ABCC12: variants seen among roughly 807,000 people sequenced by gnomAD.
ABCC12 encodes the protein ATP binding cassette subfamily C member 12, also known as ATP-binding cassette sub-family C member 12.
Under a neutral mutation model 151.1 loss-of-function variants are expected in ABCC12, and 142 were observed. The observed-to-expected ratio is 0.94, with a 90% CI of 0.82 to 1.08. ABCC12 has a LOEUF of 1.08. Among genes scored for constraint, ABCC12 ranks in the 50% least tolerant of loss-of-function variants. The probability of loss-of-function intolerance (pLI) is 0.00; values close to 1 mark genes in which losing one functional copy is unlikely to be tolerated. For synonymous variants in ABCC12, 645 were observed against 646.4 expected, an observed-to-expected ratio of 1.00 and a Z score of 0.03; for missense variants, 1,638 against 1,691.1, an observed-to-expected ratio of 0.97 and a Z score of 0.55.
intron 1 of ABCC12, among the ~76,000 whole-genome samples, chr16:48,155,572 T>C (rs1016190435): frequency 2.0e-5 from 3 of 152,168 alleles, no homozygotes; most frequent in African/African-American, 7.2e-5. Flanking sequence ...ATTTCAGAGA[T>C]TTTGAAATCG....
At chr16:48,134,959 G>A (rs1420177400) in intron 8 of ABCC12, among the ~76,000 whole-genome samples, 1 of 151,802 alleles carries the variant, frequency 6.6e-6, no homozygotes, top group African/African-American at 2.4e-5. Flanking sequence ...GGCTGAGGCA[G>A]GAGAATGGCA....
chr16:48,141,565 G>A (rs1417182805), intron 4 of ABCC12, among the ~76,000 whole-genome samples: 11 of 152,212 alleles, frequency 7.2e-5, no homozygotes, highest in Non-Finnish European at 1.6e-4. Flanking sequence ...TGGTATGCCT[G>A]TGACATCTGG....
rs41280921 is a variant in ABCC12, at chr16:48,100,931, G to A, written c.2979C>T (p.Ser993=). The A allele has an allele frequency of 3.9e-3, 6,336 of 1,614,250 alleles. 18 individuals carry two copies. Among genetic ancestry groups the A allele is most frequent in the Non-Finnish European group, 5.0e-3 (5,920 of 1,180,044 alleles). Residue 993 remains serine, a synonymous_variant, in exon 23 of 31, where the codon TCC becomes TCT. Transcript: ENST00000311303. ...GAATGATGCCCAGGCCCTGCATGGA[G>A]GAGGTGATGTGGGTGAACCAGGGTG... The part of the protein sequence containing the change: ...SRSPWFTHIT[S]SMQGLGIIHA...
intron 2 of ABCC12, among the ~76,000 whole-genome samples, chr16:48,152,290 G>A (rs867582068): frequency 6.6e-6 from 1 of 152,210 alleles, no homozygotes; most frequent in South Asian, 2.1e-4. Context: ...TCTCATTCTT[G>A]CATAGGTCCT....
In ABCC12 at chr16:48,096,740, C is replaced by T. The variant is rs778926587; in HGVS notation, c.3195+6G>A. On this transcript the variant is annotated splice_donor_region_variant and intron_variant, in intron 24 of 30. Transcript: ENST00000311303. ...AGACTAAGCCCAACTTTGCACCAGG[C>T]ATTACCTGGATGATGTATGACAATG... The T allele has an allele frequency of 3.1e-6, 5 of 1,613,834 alleles. No homozygotes were observed. Among genetic ancestry groups the T allele is most frequent in the Non-Finnish European group, 4.2e-6 (5 of 1,179,788 alleles).
chr16:48,141,539 A>G (rs1487262525), intron 4 of ABCC12, among the ~76,000 whole-genome samples, 186 bp from the exon 5 acceptor site: 2 of 152,172 alleles, frequency 1.3e-5, no homozygotes, highest in East Asian at 3.9e-4. Context: ...GCAGGGGGCA[A>G]TGCCTAGATA....
intron 22 of ABCC12, among the ~76,000 whole-genome samples, chr16:48,102,372 AG>A (rs1963337237): frequency 6.6e-6 from 1 of 152,180 alleles, no homozygotes; most frequent in Non-Finnish European, 1.5e-5. Context: ...CTGAGCTTTG[AG>A]CCCCTATGCT....
At chr16:48,151,931 T>C (rs905874824) in intron 2 of ABCC12, among the ~76,000 whole-genome samples, 3 of 152,150 alleles carry the variant, frequency 2.0e-5, no homozygotes, top group African/African-American at 4.8e-5. Context: ...AGGACTTTTG[T>C]GGGAGGTGAG....
At chr16:48,128,833 C>A in intron 10 of ABCC12, 96 bp from the exon 11 acceptor site, 2 of 1,378,112 alleles carry the variant, frequency 1.5e-6, no homozygotes, top group Non-Finnish European at 2.0e-6. Context: ...ACAATTTTGG[C>A]TATTCTAACC....
chr16:48,120,617 A>G (rs1230391025), intron 13 of ABCC12, among the ~76,000 whole-genome samples: 1 of 149,236 alleles, frequency 6.7e-6, no homozygotes, highest in Non-Finnish European at 1.5e-5. Flanking sequence ...GTGCAGTGGC[A>G]TGATCTCGGC....
Position 48,088,617 on chromosome 16 carries a change from G to A in ABCC12, c.3403C>T (p.Leu1135Phe). 6.2e-7 allele frequency: 1 copy of A among 1,614,182 alleles called. No individual in the cohort carries two copies. Among genetic ancestry groups the A allele is most frequent in the Non-Finnish European group, 8.5e-7 (1 of 1,180,026 alleles). ...YQMRYRDNTP[L>F]VLDSLNLNIQ... The stretch of plus-strand genomic sequence containing the variant: ...TTCAAGTTCAGGCTGTCGAGAACAA[G>A]GGGGGTGTTGTCTCTGTATCTCATC... The change falls in exon 26 of 31, where the codon CTT becomes TTT. Residue 1135 changes from leucine (L) to phenylalanine (F), a missense_variant. Physicochemically the swap from Leu to Phe is conservative, Grantham distance 22. Coordinates refer to ENST00000311303, the MANE Select transcript of ABCC12 (RefSeq NM_001393797.1).
intron 22 of ABCC12, among the ~76,000 whole-genome samples, chr16:48,103,684 A>T (rs1329701417): frequency 6.6e-6 from 1 of 152,158 alleles, no homozygotes; most frequent in Non-Finnish European, 1.5e-5. Flanking sequence ...GGAGCCGGGC[A>T]GGTCTCCTAG....
At chr16:48,112,780 T>C (rs1287399931) in intron 15 of ABCC12, among the ~76,000 whole-genome samples, 2 of 151,994 alleles carry the variant, frequency 1.3e-5, no homozygotes, top group African/African-American at 4.8e-5. Flanking sequence ...CACGGTGTGG[T>C]CTCCAGGCAA....
chr16:48,097,092 AT>A (rs1963126955), intron 23 of ABCC12, among the ~76,000 whole-genome samples, 190 bp from the exon 24 acceptor site: 2 of 152,314 alleles, frequency 1.3e-5, no homozygotes, highest in Admixed American at 1.3e-4. Flanking sequence ...GCTCTTAAAA[AT>A]CTGCCACTCT....
intron 26 of ABCC12, among the ~76,000 whole-genome samples, chr16:48,088,339 T>C (rs985014393): frequency 6.6e-6 from 1 of 152,162 alleles, no homozygotes; most frequent in African/African-American, 2.4e-5. Flanking sequence ...TGATTGTCAT[T>C]TAATTAATTC....
Position 48,128,709 on chromosome 16 carries a change from G to A in ABCC12, c.1265C>T (p.Ser422Phe), listed in dbSNP as rs370662375. The A allele has an allele frequency of 4.3e-6, 7 of 1,613,620 alleles. No individual in the cohort carries two copies. Among genetic ancestry groups the A allele is most frequent in the Non-Finnish European group, 5.9e-6 (7 of 1,179,948 alleles). Residue 422 changes from serine to phenylalanine, a missense_variant, in exon 11 of 31, where the codon TCT becomes TTT. Transcript: ENST00000311303. ...KKILIDKSPP[S>F]YITQPEDPDT... is the part of the protein sequence containing the mutation. ...TGGGTCTTCTGGTTGGGTGATGTAA[G>A]ATGGGGGGCTTTTATCTATGAGAAT...
chr16:48,107,198 T>C (rs1188926413), intron 20 of ABCC12, 124 bp downstream of exon 20: 1 of 917,034 alleles, frequency 1.1e-6, no homozygotes, highest in Admixed American at 1.9e-5. Flanking sequence ...TCCCACTTCT[T>C]GAAAAGGGCA....
Position 48,111,458 on chromosome 16 carries a change from G to T in ABCC12, c.2259C>A (p.Gly753=), listed in dbSNP as rs1963683487. 1 of 1,614,180 alleles carries T rather than the reference G, an allele frequency of 6.2e-7. No individual in the cohort carries two copies. Among genetic ancestry groups the T allele is most frequent in the Non-Finnish European group, 8.5e-7 (1 of 1,180,018 alleles). Residue 753 remains glycine (G), a synonymous_variant, in exon 18 of 31, where the codon GGC becomes GGA. Transcript: ENST00000311303. ...EKDEGKESET[G]SEFVDTKVPE... ...TACCTTTTGTGTCTACAAATTCTGA[G>T]CCTGTTTCAGATTCTTTTCCTTCAT...
At chr16:48,104,477 G>T (rs1457900682) in intron 21 of ABCC12, 109 bp from the exon 22 acceptor site, 1 of 934,846 alleles carries the variant, frequency 1.1e-6, no homozygotes, top group Admixed American at 2.1e-5. Context: ...TTTTTCCAGG[G>T]CACAACACAG....
Sources: gnomAD v4.1 joint callset for allele counts (sites outside exome capture counted in the v4.1 genomes callset) on GRCh38, gnomAD v4.1.1 for gene constraint, MANE v1.5 for transcripts, NCBI Gene and HGNC (gene_info 2026-07-23, HGNC 2026-07-21) for gene names.